The following DCAF1 variants were observed in gnomAD, a reference collection of about 807,000 sequenced individuals.
DCAF1 encodes the protein DDB1 and CUL4 associated factor 1.
In DCAF1, 15 loss-of-function variants were observed where a neutral mutation model predicts 128.0. The ratio of observed to expected loss-of-function variants is 0.12; its 90% CI spans 0.08 to 0.18. The LOEUF (loss-of-function observed/expected upper bound fraction) is 0.18. Among genes scored for constraint, DCAF1 ranks in the 10% least tolerant of loss-of-function variants. DCAF1 has a pLI of 1.00. For missense variants in DCAF1, 988 were observed against 1,649.5 expected (o/e 0.60, Z 6.95); for synonymous variants, 610 against 603.0 (o/e 1.01, Z -0.17).
chr3:51,490,389 C>A (rs1707491396), intron 2 of DCAF1, among the ~76,000 whole-genome samples: 1 of 152,130 alleles, frequency 6.6e-6, no homozygotes, highest in Admixed American at 6.6e-5. Flanking sequence ...CAAGATCGCA[C>A]CACTGCACTC....
intron 1 of DCAF1, among the ~76,000 whole-genome samples, chr3:51,498,442 T>C (rs1708486765): frequency 2.0e-5 from 3 of 150,970 alleles, no homozygotes; most frequent in Admixed American, 6.6e-5. Context: ...CAAGATCCTG[T>C]ATCTAAAAAA....
At chr3:51,493,048 AAC>A (rs1230191122) in intron 2 of DCAF1, among the ~76,000 whole-genome samples, 1 of 152,066 alleles carries the variant, frequency 6.6e-6, no homozygotes, top group Non-Finnish European at 1.5e-5. Flanking sequence ...AGTTATAAAA[AAC>A]AGTTTGGGAC....
intron 15 of DCAF1, among the ~76,000 whole-genome samples, chr3:51,419,340 G>A (rs1699183780): frequency 6.6e-6 from 1 of 150,646 alleles, no homozygotes; most frequent in Non-Finnish European, 1.5e-5. Context: ...CAGCCTGGGC[G>A]ATAGAGAGAC....
In DCAF1 at chr3:51,430,330, G is replaced by A. The variant is rs566893337; in HGVS notation, c.1288-118C>T. ...GAATACAATGACCATCTCCAATCAA[G>A]TCACTCTTAGTACAAAGTTTAGGTA... On this transcript the variant is annotated intron_variant, in intron 10 of 24. Coordinates refer to ENST00000684031, the MANE Select transcript of DCAF1 (RefSeq NM_001387579.1). 2.9e-5 allele frequency: 17 copies of A among 583,678 alleles called. No homozygotes were observed. The South Asian group carries it at 3.8e-4, about 13-fold the overall frequency. 36.2% of individuals were successfully genotyped at this position (583,678 alleles called of 1,614,324 possible). A position where few individuals can be genotyped will look rare whatever the true frequency, so the allele number is the denominator to read the frequency against.
Position 51,403,477 on chromosome 3 carries a change from C to G in DCAF1, c.4213-82G>C, listed in dbSNP as rs1577045414. 4.6e-6 allele frequency: 7 copies of G among 1,514,228 alleles called. No homozygotes were observed. In the Admixed American group the frequency reaches 1.2e-4, roughly 26 times the overall value. The allele number at this position is 1,514,228 out of a possible 1,614,324, so 93.8% of individuals were successfully genotyped here. A position where few individuals can be genotyped will look rare whatever the true frequency, so the allele number is the denominator to read the frequency against. ...CCACATGGCGGGTCGACCAAAGAGA[C>G]AGGGTAGGAAACTGTCAGTAGAGGG... On this transcript the variant is annotated intron_variant, in intron 23 of 24. Coordinates refer to ENST00000684031, the MANE Select transcript of DCAF1 (RefSeq NM_001387579.1).
chr3:51,499,283 A>C (rs1312165053), intron 1 of DCAF1, among the ~76,000 whole-genome samples: 1 of 152,164 alleles, frequency 6.6e-6, no homozygotes, highest in Non-Finnish European at 1.5e-5. Flanking sequence ...GGACCCGCAC[A>C]CCTCTCTTTC....
chr3:51,432,986 A>C (rs1700521870), intron 10 of DCAF1, 120 bp downstream of exon 10: 1 of 395,104 alleles, frequency 2.5e-6, no homozygotes, highest in Admixed American at 4.4e-5. Flanking sequence ...TTGTTTCATT[A>C]AAATTTATTC....
At chr3:51,455,292 T>C (rs181511528) in intron 6 of DCAF1, among the ~76,000 whole-genome samples, 5 of 152,272 alleles carry the variant, frequency 3.3e-5, no homozygotes, top group Admixed American at 1.3e-4. Flanking sequence ...GAGTAAGAGT[T>C]TGACATTATA....
chr3:51,500,541 GT>G (rs1708748663), upstream of DCAF1, among the ~76,000 whole-genome samples: 1 of 152,038 alleles, frequency 6.6e-6, no homozygotes, highest in African/African-American at 2.4e-5. Flanking sequence ...TTTTTTGTTT[GT>G]TTTGTTTTGT....
At chr3:51,486,092 G>A (rs528825839) in intron 2 of DCAF1, among the ~76,000 whole-genome samples, 145 of 151,554 alleles carry the variant, frequency 9.6e-4, no homozygotes, top group Non-Finnish European at 8.8e-4. Flanking sequence ...GGCTTTCACC[G>A]TGTTAGCCAG....
chr3:51,502,651 G>A (rs1708847069), upstream of DCAF1, among the ~76,000 whole-genome samples: 1 of 151,984 alleles, frequency 6.6e-6, no homozygotes, highest in South Asian at 2.1e-4. Flanking sequence ...AGGGGCTTTG[G>A]AGAAGCCAGG....
chr3:51,421,450 T>A (rs1699383468), intron 14 of DCAF1, among the ~76,000 whole-genome samples: 1 of 152,076 alleles, frequency 6.6e-6, no homozygotes, highest in Non-Finnish European at 1.5e-5. Flanking sequence ...AGAGGTGGGG[T>A]TTCACCATGT....
At chr3:51,480,431 C>T (rs990783968) in intron 3 of DCAF1, among the ~76,000 whole-genome samples, 1 of 151,802 alleles carries the variant, frequency 6.6e-6, no homozygotes, top group Non-Finnish European at 1.5e-5. Context: ...CCCATCTCTA[C>T]TAAAAATTCA....
At chr3:51,491,764 G>A (rs1248676905) in intron 2 of DCAF1, among the ~76,000 whole-genome samples, 1 of 152,112 alleles carries the variant, frequency 6.6e-6, no homozygotes, top group East Asian at 1.9e-4. Context: ...AGAACTGCTT[G>A]AATCCAGGAG....
At chr3:51,400,727 G>A (rs1190887058) in intron 24 of DCAF1, among the ~76,000 whole-genome samples, 1 of 152,034 alleles carries the variant, frequency 6.6e-6, no homozygotes, top group Non-Finnish European at 1.5e-5. Context: ...CTCCCATTCT[G>A]AAAGGTCGCT....
upstream of DCAF1, among the ~76,000 whole-genome samples, chr3:51,504,540 G>T (rs188065562): frequency 0.02 from 3,088 of 152,190 alleles, 34 homozygotes; most frequent in Middle Eastern, 0.048. Context: ...TAGAGATGGG[G>T]TTTCACCATG....
At chr3:51,436,529 C>A in intron 9 of DCAF1, 1 of 447,872 alleles carries the variant, frequency 2.2e-6, no homozygotes, top group Non-Finnish European at 4.6e-6. Flanking sequence ...CTACCCTATG[C>A]TAGGATAGAC....
intron 6 of DCAF1, among the ~76,000 whole-genome samples, chr3:51,453,332 T>C (rs1553641916): frequency 6.6e-6 from 1 of 152,036 alleles, no homozygotes; most frequent in Non-Finnish European, 1.5e-5. Context: ...CACTTAACTA[T>C]AATAAGACTT....
intron 6 of DCAF1, among the ~76,000 whole-genome samples, chr3:51,458,964 A>T (rs1402074145): frequency 3.3e-5 from 5 of 152,228 alleles, no homozygotes; most frequent in Non-Finnish European, 5.9e-5. Flanking sequence ...AGAAAGCAGG[A>T]AAGATCTAAA....
Sources: gnomAD v4.1 joint callset for allele counts (sites outside exome capture counted in the v4.1 genomes callset) on GRCh38, gnomAD v4.1.1 for gene constraint, MANE v1.5 for transcripts, NCBI Gene and HGNC (gene_info 2026-07-23, HGNC 2026-07-21) for gene names.